Variants in DGKB observed in about 807,000 individuals in gnomAD.
DGKB encodes the protein 90 kDa diacylglycerol kinase.
In DGKB, 67 loss-of-function variants were observed where a neutral mutation model predicts 114.3. The observed-to-expected ratio is 0.59, with a 90% CI of 0.48 to 0.72. DGKB has a LOEUF of 0.72. DGKB is among the 30% of genes least tolerant of loss of function. The pLI is 0.00. For synonymous variants in DGKB, 398 were observed against 323.1 expected (o/e 1.23, Z -2.49); for missense variants, 907 against 975.2 (o/e 0.93, Z 0.93).
chr7:14,915,890 A>G lies in DGKB; in HGVS notation c.-188+58806T>C, dbSNP rs185727575. On this transcript the variant is annotated intron_variant, in intron 1 of 4. Coordinates refer to the DGKB transcript ENST00000437998. The stretch of plus-strand genomic sequence containing the variant: ...ATAGTTCAGAAATTTGAATTTATCA[A>G]AGAAAGAGTATCAGAGAAGGCATGA... Among the ~76,000 whole-genome samples, 232 of 152,278 alleles carry G rather than the reference A, an allele frequency of 1.5e-3. 4 individuals are homozygous for G. The highest frequency in any genetic ancestry group is 5.0e-4 in the Non-Finnish European group (34 of 68,018).
At chr7:14,622,514 A>G (rs562715926) in intron 14 of DGKB, among the ~76,000 whole-genome samples, 3 of 152,136 alleles carry the variant, frequency 2.0e-5, no homozygotes, top group Non-Finnish European at 4.4e-5. Flanking sequence ...GTATGTCCAC[A>G]TGAAGGCCTA....
At chr7:14,748,825 G>A (rs1833730721) in intron 4 of DGKB, among the ~76,000 whole-genome samples, 1 of 152,074 alleles carries the variant, frequency 6.6e-6, no homozygotes, top group East Asian at 1.9e-4. Context: ...TAATTAATAA[G>A]TGACTCCTAA....
intron 20 of DGKB, among the ~76,000 whole-genome samples, chr7:14,519,875 A>G (rs1789464445): frequency 6.6e-6 from 1 of 151,924 alleles, no homozygotes; most frequent in Admixed American, 6.6e-5. Context: ...TGTTTAAGTA[A>G]TTAGTCTACT....
chr7:14,348,333 T>G (rs1812838638), intron 21 of DGKB, among the ~76,000 whole-genome samples: 1 of 152,092 alleles, frequency 6.6e-6, no homozygotes, highest in Non-Finnish European at 1.5e-5. Flanking sequence ...CTTCCTTTTA[T>G]CACTGAGTAG....
At chr7:14,621,107 T>G (rs867613621) in intron 15 of DGKB, 10 of 323,722 alleles carry the variant, frequency 3.1e-5, no homozygotes, top group Middle Eastern at 9.4e-4. Context: ...GTGTGTATAT[T>G]TAGCAATAAT....
chr7:14,935,405 T>C (rs887048264), intron 1 of DGKB, among the ~76,000 whole-genome samples: 1 of 152,104 alleles, frequency 6.6e-6, no homozygotes, highest in Non-Finnish European at 1.5e-5. Flanking sequence ...AATTAAAATA[T>C]CCCATCAGAC....
At chr7:14,525,092 G>T in intron 20 of DGKB, among the ~76,000 whole-genome samples, 1 of 151,884 alleles carries the variant, frequency 6.6e-6, no homozygotes, top group East Asian at 1.9e-4. Context: ...ATAATAAAAA[G>T]TTTGGGATTT....
At chr7:14,655,115 A>C (rs1165890235) in intron 13 of DGKB, among the ~76,000 whole-genome samples, 1 of 151,916 alleles carries the variant, frequency 6.6e-6, no homozygotes, top group Non-Finnish European at 1.5e-5. Context: ...TTGGGAGAAA[A>C]TATCTACAAA....
At chr7:14,899,412 T>G (rs1269933274) in intron 1 of DGKB, among the ~76,000 whole-genome samples, 1 of 152,090 alleles carries the variant, frequency 6.6e-6, no homozygotes, top group Non-Finnish European at 1.5e-5. Flanking sequence ...AAAGAGATGT[T>G]TTGAGTCTGC....
chr7:14,344,612 A>G (rs1212047578), intron 22 of DGKB, among the ~76,000 whole-genome samples: 1 of 151,612 alleles, frequency 6.6e-6, no homozygotes, highest in Non-Finnish European at 1.5e-5. Context: ...TTGTCAAAAT[A>G]TAACTTTTCT....
chr7:14,170,145 A>AAGAAAGAAAG (rs1554271985), intron 25 of DGKB, among the ~76,000 whole-genome samples: 1 of 99,982 alleles, frequency 1.0e-5, no homozygotes, highest in Non-Finnish European at 2.0e-5. Flanking sequence ...AAAAAAAAAA[A>AAGAAAGAAAG]AAAGAAAGAA....
rs1554304219 is a variant in DGKB at position 14,852,487 on chromosome 7, C to CAAAAAAAACAAAACAAAAA, written c.-187-11038_-187-11037insTTTTTGTTTTGTTTTTTTT. 2.3e-3 allele frequency among the ~76,000 whole-genome samples: 149 copies of CAAAAAAAACAAAACAAAAA among 63,618 alleles called. 12 individuals are homozygous for CAAAAAAAACAAAACAAAAA. Among genetic ancestry groups the CAAAAAAAACAAAACAAAAA allele is most frequent in the African/African-American group, 9.4e-3 (139 of 14,836 alleles). 41.7% of individuals were successfully genotyped at this position (63,618 alleles called of 152,430 possible). A position where few individuals can be genotyped will look rare whatever the true frequency, so the allele number is the denominator to read the frequency against. ...GAGGAATAGCTAAAATAGTGAAAGT[C>CAAAAAAAACAAAACAAAAA]AAAAAAAAAACAGAAATCAAGCATA... On this transcript the variant is annotated intron_variant, in intron 1 of 25. Coordinates refer to ENST00000402815, the MANE Select transcript of DGKB (RefSeq NM_001350709.2).
intron 13 of DGKB, among the ~76,000 whole-genome samples, chr7:14,661,239 A>G (rs1817000197): frequency 6.7e-6 from 1 of 149,050 alleles, no homozygotes. Context: ...CTGCACAGCA[A>G]AAGAAGCTAC....
chr7:14,489,978 T>C (rs562223661), intron 20 of DGKB, among the ~76,000 whole-genome samples: 1 of 152,134 alleles, frequency 6.6e-6, no homozygotes, highest in Non-Finnish European at 1.5e-5. Context: ...TAATATAACT[T>C]TCACGGCAAA....
chr7:14,558,297 CT>C (rs1422649466), intron 20 of DGKB, among the ~76,000 whole-genome samples: 3 of 151,502 alleles, frequency 2.0e-5, no homozygotes, highest in Non-Finnish European at 2.9e-5. Flanking sequence ...ATATTAAATT[CT>C]TTTTTTGTTC....
intron 21 of DGKB, among the ~76,000 whole-genome samples, chr7:14,443,966 C>G (rs562055036): frequency 6.6e-6 from 1 of 151,740 alleles, no homozygotes; most frequent in South Asian, 2.1e-4. Context: ...TTTTAAAGCT[C>G]TTTCCCTCAT....
chr7:14,753,952 T>G lies in DGKB; in HGVS notation c.148-4A>C, dbSNP rs1482321639. ...CTTGGTTAAGAATGTCTTGTTTCTG[T>G]GCATGCAAGGAAAGAAAGAATACAT... On this transcript the variant is annotated splice_polypyrimidine_tract_variant and splice_region_variant and intron_variant, in intron 3 of 25. Transcript: ENST00000402815. 1 of 1,516,338 alleles carries G rather than the reference T, an allele frequency of 6.6e-7. No homozygotes were observed. Among genetic ancestry groups the G allele is most frequent in the South Asian group, 1.2e-5 (1 of 84,168 alleles). 93.9% of individuals were successfully genotyped at this position (1,516,338 alleles called of 1,614,324 possible).
chr7:14,401,818 A>G (rs1026958404), intron 21 of DGKB, among the ~76,000 whole-genome samples: 1 of 151,810 alleles, frequency 6.6e-6, no homozygotes, highest in Non-Finnish European at 1.5e-5. Flanking sequence ...GCAGTCAAAT[A>G]TGAAAGGAAA....
At chr7:14,438,087 C>T (rs529101420) in intron 21 of DGKB, among the ~76,000 whole-genome samples, 1 of 152,130 alleles carries the variant, frequency 6.6e-6, no homozygotes, top group Admixed American at 6.6e-5. Context: ...AGTCTCCCCA[C>T]ACCACAACCC....
Sources: gnomAD v4.1 joint callset for allele counts (sites outside exome capture counted in the v4.1 genomes callset) on GRCh38, gnomAD v4.1.1 for gene constraint, MANE v1.5 for transcripts, NCBI Gene and HGNC (gene_info 2026-07-23, HGNC 2026-07-21) for gene names.